CCT6B: variants seen among roughly 807,000 people sequenced by gnomAD.
CCT6B encodes the protein chaperonin containing TCP1 subunit 6B.
Under a neutral mutation model 61.5 loss-of-function variants are expected in CCT6B, and 49 were observed. That is an observed-to-expected ratio of 0.80 (90% CI 0.63 to 1.01). CCT6B has a LOEUF of 1.01. Among genes scored for constraint, CCT6B ranks in the 50% least tolerant of loss-of-function variants. CCT6B has a pLI of 0.00. For synonymous variants in CCT6B, 228 were observed against 214.5 expected (o/e 1.06, Z -0.55); for missense variants, 666 against 634.7 (o/e 1.05, Z -0.53).
chr17:34,945,161 T>C (rs566034093), intron 5 of CCT6B, among the ~76,000 whole-genome samples: 1 of 152,306 alleles, frequency 6.6e-6, no homozygotes, highest in African/African-American at 2.4e-5. Context: ...AACATCCAAG[T>C]TCCTAGGGAT....
chr17:34,960,315 T>C (rs2142189661), intron 1 of CCT6B, among the ~76,000 whole-genome samples: 1 of 152,348 alleles, frequency 6.6e-6, no homozygotes, highest in East Asian at 1.9e-4. Context: ...CATCTACTTT[T>C]CCACAAGCAA....
chr17:34,951,310 CA>C (rs35921022), intron 5 of CCT6B, among the ~76,000 whole-genome samples: 31,190 of 151,922 alleles, frequency 0.21, 3,731 homozygotes, highest in East Asian at 0.55. Flanking sequence ...ATGATATTTA[CA>C]GGTGGTATAT....
rs753773633 is a variant in CCT6B at position 34,961,257 on chromosome 17, A to G, written c.137T>C (p.Met46Thr). ...ATGGCCGCTCCAACCGCTGTCTCAC[A>G]TTTTCATGGTGCCTTTAGGACCCAA... ...TNLGPKGTMK[M>T]LVSGAGDIKL... The change falls in exon 1 of 14, where the codon ATG becomes ACG. Residue 46 changes from methionine to threonine, a missense_variant and splice_region_variant. Coordinates refer to ENST00000314144, the MANE Select transcript of CCT6B (RefSeq NM_006584.4). 24 of 1,600,192 alleles carry G rather than the reference A, an allele frequency of 1.5e-5. No homozygotes were observed. Among genetic ancestry groups the G allele is most frequent in the Non-Finnish European group, 2.0e-5 (24 of 1,173,412 alleles).
At chr17:34,948,355 A>G (rs2142164915) in intron 5 of CCT6B, among the ~76,000 whole-genome samples, 1 of 152,334 alleles carries the variant, frequency 6.6e-6, no homozygotes, top group South Asian at 2.1e-4. Context: ...GACACAAAAA[A>G]TCATGTAAAG....
chr17:34,940,502 T>C (rs538125196), intron 8 of CCT6B, 37 bp downstream of exon 8: 3 of 1,115,688 alleles, frequency 2.7e-6, no homozygotes, highest in African/African-American at 1.6e-5. Flanking sequence ...ATTTACTCTG[T>C]TAAAAACTTA....
chr17:34,947,320 G>A (rs1205775353), intron 5 of CCT6B, among the ~76,000 whole-genome samples: 5 of 151,964 alleles, frequency 3.3e-5, no homozygotes, highest in Admixed American at 3.3e-4. Context: ...ATGCCAACCA[G>A]AATAAACAAA....
In CCT6B at chr17:34,956,973, A is replaced by AT. The variant is rs113973307; in HGVS notation, c.336+1586dup. Among the ~76,000 whole-genome samples the AT allele has an allele frequency of 8.1e-5, 12 of 147,954 alleles. 1 individual carries two copies. In the South Asian group the frequency reaches 8.7e-4, roughly 11 times the overall value. On this transcript the variant is annotated intron_variant, in intron 3 of 13. Coordinates refer to ENST00000314144, the MANE Select transcript of CCT6B (RefSeq NM_006584.4). ...CACATGCAGCATGCCACCAAGCCTA[A>AT]TTTTTTTTTATTATTTCTAAAGACA...
chr17:34,947,452 C>T (rs1395124588), intron 5 of CCT6B, among the ~76,000 whole-genome samples: 2 of 152,188 alleles, frequency 1.3e-5, no homozygotes, highest in East Asian at 1.9e-4. Context: ...TGGCTAATTT[C>T]TGTACAGCAA....
In CCT6B at chr17:34,939,174, A is replaced by T; in HGVS notation, c.1213+9T>A. On this transcript the variant is annotated intron_variant, in intron 10 of 13. Transcript: ENST00000314144. The stretch of plus-strand genomic sequence containing the variant: ...ATGAGGTTCATATCAATCACAAGAA[A>T]GAGCTTACCATCTTCAATGGCATTT... 6.2e-7 allele frequency: 1 copy of T among 1,612,406 alleles called. No individual in the cohort carries two copies. The highest frequency in any genetic ancestry group is 8.5e-7 in the Non-Finnish European group (1 of 1,178,660).
At chr17:34,928,152 C>G in intron 13 of CCT6B, 35 bp from the exon 14 acceptor site, 2 of 1,405,662 alleles carry the variant, frequency 1.4e-6, no homozygotes, top group Non-Finnish European at 2.0e-6. Context: ...GTAAAGCCTA[C>G]TAACCCACTC....
chr17:34,948,075 G>A (rs942226592), intron 5 of CCT6B, among the ~76,000 whole-genome samples: 5 of 151,842 alleles, frequency 3.3e-5, no homozygotes, highest in African/African-American at 9.7e-5. Context: ...TAGCTTTTTG[G>A]GGAACAGGTG....
At chr17:34,942,380 A>G in intron 7 of CCT6B, 104 bp downstream of exon 7, 2 of 805,076 alleles carry the variant, frequency 2.5e-6, no homozygotes, top group South Asian at 3.4e-5. Flanking sequence ...GACCTCACAG[A>G]CTCTCTGAAA....
chr17:34,945,299 GAC>G (rs2090211017), intron 5 of CCT6B, among the ~76,000 whole-genome samples: 2 of 152,128 alleles, frequency 1.3e-5, no homozygotes, highest in African/African-American at 4.8e-5. Context: ...CTGAATTCGA[GAC>G]ACATCTCTCC....
chr17:34,928,123 GA>G lies in CCT6B; in HGVS notation c.1524-7del. On this transcript the variant is annotated splice_polypyrimidine_tract_variant and splice_region_variant and intron_variant, in intron 13 of 13. Transcript: ENST00000314144. ...TGTTGGTGGCAATCACTGTGCTAAG[GA>G]AAAAGATGAGAGGGTGAGTAAAGCC... 1 of 1,604,234 alleles carries G rather than the reference GA, an allele frequency of 6.2e-7. No homozygotes were observed. Among genetic ancestry groups the G allele is most frequent in the Admixed American group, 1.7e-5 (1 of 58,894 alleles).
At chr17:34,954,697 A>G (rs75043272) in intron 3 of CCT6B, 98 bp from the exon 4 acceptor site, 11,721 of 883,824 alleles carry the variant, frequency 0.013, 319 homozygotes, top group East Asian at 0.12. Context: ...AGTTACTCAC[A>G]TTAATGCCAT....
At chr17:34,950,134 T>A (rs908627874) in intron 5 of CCT6B, among the ~76,000 whole-genome samples, 3 of 152,158 alleles carry the variant, frequency 2.0e-5, no homozygotes, top group Non-Finnish European at 2.9e-5. Flanking sequence ...GAAACACACT[T>A]CTAGTTGAAA....
In CCT6B at chr17:34,935,813, C is replaced by T. The variant is rs117859902; in HGVS notation, c.1214-3313G>A. 3.2e-3 allele frequency among the ~76,000 whole-genome samples: 486 copies of T among 151,396 alleles called. 4 individuals carry two copies. The highest frequency in any genetic ancestry group is 5.4e-3 in the Non-Finnish European group (364 of 67,888). Reference sequence around the variant, plus strand: ...CAGAGGTTGCAGTGAGCCAGGATTGCGCCATGGCACTCCAGCCTGGGCAAC... The same window carrying T: ...CAGAGGTTGCAGTGAGCCAGGATTGTGCCATGGCACTCCAGCCTGGGCAAC... On this transcript the variant is annotated intron_variant, in intron 10 of 13. Coordinates refer to ENST00000314144, the MANE Select transcript of CCT6B (RefSeq NM_006584.4).
intron 10 of CCT6B, among the ~76,000 whole-genome samples, chr17:34,933,883 C>CT (rs1243073668): frequency 6.6e-6 from 1 of 152,026 alleles, no homozygotes; most frequent in African/African-American, 2.4e-5. Context: ...AATCCCAGCA[C>CT]TTTGGGAGGC....
At chr17:34,950,789 C>T (rs1223796589) in intron 5 of CCT6B, among the ~76,000 whole-genome samples, 5 of 151,948 alleles carry the variant, frequency 3.3e-5, no homozygotes, top group Non-Finnish European at 4.4e-5. Flanking sequence ...ATTAGGCAGG[C>T]GTGGTGCCAC....
Sources: allele counts gnomAD v4.1 joint callset (sites outside exome capture counted in the v4.1 genomes callset), GRCh38; gene constraint gnomAD v4.1.1; transcripts MANE v1.5; gene names NCBI Gene and HGNC (gene_info 2026-07-23, HGNC 2026-07-21).